The following INSL6 variants were observed in gnomAD, a reference collection of about 807,000 sequenced individuals.
INSL6 encodes insulin-like peptide INSL6.
Under a neutral mutation model 9.4 loss-of-function variants are expected in INSL6, and 16 were observed. The observed-to-expected ratio is 1.70, with a 90% CI of 1.15 to 2.59. INSL6 has a LOEUF of 2.59. INSL6 is among the 30% of genes most tolerant of loss of function. INSL6 has a pLI of 0.00. For missense variants in INSL6, 391 were observed against 257.3 expected (o/e 1.52, Z -3.56); for synonymous variants, 154 against 96.9 (o/e 1.59, Z -3.46).
the INSL6 span, chr9:5,112,878 C>T: frequency 3.6e-5 from 15 of 419,260 alleles, no homozygotes; most frequent in Non-Finnish European, 4.7e-5. Context: ...ACGAGCCACC[C>T]GCCCTCAGCC....
the INSL6 span, among the ~76,000 whole-genome samples, chr9:4,996,889 G>C: frequency 6.6e-6 from 1 of 150,794 alleles, no homozygotes; most frequent in Non-Finnish European, 1.5e-5. Flanking sequence ...CAGTCTTCAT[G>C]GTGGGAGTTC....
At chr9:5,178,758 G>A (rs1371307449) in intron 1 of INSL6, among the ~76,000 whole-genome samples, 1 of 152,154 alleles carries the variant, frequency 6.6e-6, no homozygotes, top group Non-Finnish European at 1.5e-5. Flanking sequence ...AACAAGCAAT[G>A]AGGGAAGAAT....
At chr9:5,027,244 G>A in the INSL6 span, among the ~76,000 whole-genome samples, 11 of 152,086 alleles carry the variant, frequency 7.2e-5, no homozygotes, top group Admixed American at 1.3e-4. Flanking sequence ...CCAGACTATC[G>A]CAGTGAAGCA....
chr9:5,174,964 G>C (rs947426384), intron 1 of INSL6, among the ~76,000 whole-genome samples: 12 of 148,690 alleles, frequency 8.1e-5, no homozygotes, highest in African/African-American at 2.5e-4. Flanking sequence ...TTTTGAGACA[G>C]AGTCTCGCTC....
the INSL6 span, among the ~76,000 whole-genome samples, chr9:5,047,681 C>G: frequency 1.3e-5 from 2 of 152,182 alleles, no homozygotes; most frequent in Middle Eastern, 6.8e-3. Flanking sequence ...GATTGAACTC[C>G]TGGGCTCCAG....
chr9:5,070,324 A>G, the INSL6 span, among the ~76,000 whole-genome samples: 1 of 152,136 alleles, frequency 6.6e-6, no homozygotes, highest in Non-Finnish European at 1.5e-5. Context: ...AAAATCTACA[A>G]AGACCTATAT....
chr9:5,035,733 AAAT>A, the INSL6 span, among the ~76,000 whole-genome samples: 1 of 152,184 alleles, frequency 6.6e-6, no homozygotes. Flanking sequence ...ACGTGTCTCA[AAAT>A]AATAAGAGCT....
chr9:5,117,668 TAAA>T, the INSL6 span, among the ~76,000 whole-genome samples: 2 of 139,382 alleles, frequency 1.4e-5, no homozygotes, highest in Admixed American at 7.0e-5. Flanking sequence ...TTATCTTAAA[TAAA>T]TTAATAAATA....
At chr9:5,120,673 A>C (rs1463212712), downstream of INSL6, among the ~76,000 whole-genome samples, 5 of 152,170 alleles carry the variant, frequency 3.3e-5, no homozygotes, top group Non-Finnish European at 1.5e-5. Context: ...CCTTGTGTGA[A>C]GACCTCTGTG....
Position 5,163,941 on chromosome 9 carries a change from C to CT in INSL6, c.613dup (p.Arg205LysfsTer7), listed in dbSNP as rs1824983974. ...GTATATCTTAGTTACAAGTGATGATCTTTTTTCCTTTAGCCTTTTAAAATC... is the reference window on the plus strand; with the variant it reads ...GTATATCTTAGTTACAAGTGATGATCTTTTTTTCCTTTAGCCTTTTAAAATC... On this transcript the variant is annotated frameshift_variant, in exon 2 of 2. Coordinates refer to ENST00000381641, the MANE Select transcript of INSL6 (RefSeq NM_007179.3). LOFTEE classifies it high-confidence loss of function. 3 of 1,605,324 alleles carry CT rather than the reference C, an allele frequency of 1.9e-6. No individual in the cohort carries two copies. The highest frequency in any genetic ancestry group is 2.7e-5 in the African/African-American group (2 of 74,784).
chr9:5,150,732 G>C (rs1824694001), intron 2 of INSL6, among the ~76,000 whole-genome samples: 2 of 151,934 alleles, frequency 1.3e-5, no homozygotes, highest in African/African-American at 2.4e-5. Context: ...CTACCTAAAG[G>C]AAATCATTAT....
At chr9:5,123,953 T>G (rs977807543) in exon 4 of INSL6, among the ~76,000 whole-genome samples, 1 of 151,752 alleles carries the variant, frequency 6.6e-6, no homozygotes, top group African/African-American at 2.4e-5. Context: ...TTTGCATTTC[T>G]CTGGTGATTA....
At chr9:5,007,724 T>C in the INSL6 span, among the ~76,000 whole-genome samples, 1 of 147,394 alleles carries the variant, frequency 6.8e-6, no homozygotes, top group Non-Finnish European at 1.5e-5. Flanking sequence ...TATTATATTG[T>C]CTTTTTTTTT....
chr9:4,995,176 T>C, the INSL6 span, among the ~76,000 whole-genome samples: 1 of 152,236 alleles, frequency 6.6e-6, no homozygotes, highest in Non-Finnish European at 1.5e-5. Flanking sequence ...TTCTCCTTTT[T>C]TAGGGAACTC....
the INSL6 span, among the ~76,000 whole-genome samples, chr9:5,038,107 G>T: frequency 6.6e-6 from 1 of 152,016 alleles, no homozygotes; most frequent in Admixed American, 6.6e-5. Context: ...TTAATGATTT[G>T]TTCTTCTTTT....
chr9:5,174,167 T>G (rs1007566659), intron 1 of INSL6, among the ~76,000 whole-genome samples: 2 of 152,166 alleles, frequency 1.3e-5, no homozygotes, highest in African/African-American at 4.8e-5. Flanking sequence ...ACCAGAAAAC[T>G]TATTTCTCCC....
At chr9:5,065,047 A>T in the INSL6 span, 18 of 1,534,538 alleles carry the variant, frequency 1.2e-5, no homozygotes, top group South Asian at 2.2e-4. Context: ...TTTCGTGAGT[A>T]ATACAGACTT....
chr9:5,153,664 C>A (rs148893226), intron 2 of INSL6, among the ~76,000 whole-genome samples: 1 of 152,294 alleles, frequency 6.6e-6, no homozygotes, highest in Non-Finnish European at 1.5e-5. Flanking sequence ...AAGTCACAAG[C>A]ATTCTTATAC....
At chr9:5,026,861 G>C in the INSL6 span, among the ~76,000 whole-genome samples, 1 of 152,124 alleles carries the variant, frequency 6.6e-6, no homozygotes, top group Non-Finnish European at 1.5e-5. Flanking sequence ...TATCTTTTAA[G>C]AAATTACATA....
Sources: allele counts gnomAD v4.1 joint callset (sites outside exome capture counted in the v4.1 genomes callset), GRCh38; gene constraint gnomAD v4.1.1; transcripts MANE v1.5; gene names NCBI Gene and HGNC (gene_info 2026-07-23, HGNC 2026-07-21).